The following RNF182 variants were observed in gnomAD, a reference collection of about 807,000 sequenced individuals.
RNF182 encodes E3 ubiquitin-protein ligase RNF182.
RNF182 carries 15 observed loss-of-function variants against 14.4 expected under a neutral mutation model. The ratio of observed to expected loss-of-function variants is 1.04; its 90% CI spans 0.70 to 1.60. RNF182 has a LOEUF of 1.60. Ranked by LOEUF, RNF182 falls within the 40% of genes most tolerant of loss-of-function variation. RNF182 has a pLI of 0.00. For synonymous variants in RNF182, 128 were observed against 122.9 expected (o/e 1.04, Z -0.27); for missense variants, 268 against 294.8 (o/e 0.91, Z 0.67).
chr6:13,946,357 G>A (rs1457799563), intron 1 of RNF182, among the ~76,000 whole-genome samples: 1 of 151,844 alleles, frequency 6.6e-6, no homozygotes, highest in African/African-American at 2.4e-5. Context: ...TAGAAATGGG[G>A]TTTTACCATG....
At chr6:13,965,499 A>G (rs1760001119) in intron 1 of RNF182, among the ~76,000 whole-genome samples, 1 of 152,218 alleles carries the variant, frequency 6.6e-6, no homozygotes, top group Middle Eastern at 3.2e-3. Flanking sequence ...AAAATTTATG[A>G]AAAAAGACAC....
chr6:13,977,763 T>G lies in RNF182; in HGVS notation c.644T>G (p.Phe215Cys). The change falls in exon 3 of 3, where the codon TTT (phenylalanine) becomes TGT (cysteine). Residue 215 changes from phenylalanine (F) to cysteine (C), a missense_variant. Transcript: ENST00000488300. Reference sequence around the variant, plus strand: ...AAGAAAGTCACCCTTGGGGTCGTCTTTGTCAGCCTGGTCCCTTCGAGCCTC... The same window carrying G: ...AAGAAAGTCACCCTTGGGGTCGTCTGTGTCAGCCTGGTCCCTTCGAGCCTC... ...VSKKVTLGVV[F>C]VSLVPSSLVI... 1 of 1,614,166 alleles carries G rather than the reference T, an allele frequency of 6.2e-7. No homozygotes were observed. The highest frequency in any genetic ancestry group is 8.5e-7 in the Non-Finnish European group (1 of 1,180,012).
intron 1 of RNF182, among the ~76,000 whole-genome samples, chr6:13,960,167 G>T (rs1247001263): frequency 6.6e-6 from 1 of 152,164 alleles, no homozygotes; most frequent in African/African-American, 2.4e-5. Flanking sequence ...AGACAGAAAA[G>T]GATCCATTTG....
intron 1 of RNF182, among the ~76,000 whole-genome samples, chr6:13,948,900 T>C (rs1412847768): frequency 3.3e-5 from 5 of 152,194 alleles, no homozygotes; most frequent in African/African-American, 1.2e-4. Flanking sequence ...AAATCTTTTA[T>C]CTTTTAATAT....
intron 1 of RNF182, among the ~76,000 whole-genome samples, chr6:13,928,051 G>A: frequency 6.6e-6 from 1 of 152,200 alleles, no homozygotes; most frequent in East Asian, 1.9e-4. Context: ...GTGGTGTTTA[G>A]TGACATGGAT....
intron 1 of RNF182, among the ~76,000 whole-genome samples, chr6:13,953,990 T>G (rs1308076856): frequency 6.6e-6 from 1 of 152,196 alleles, no homozygotes; most frequent in South Asian, 2.1e-4. Context: ...AGAGAAAGCT[T>G]TGCTAATGAT....
rs1760380453 is a variant in RNF182, at chr6:13,977,850, C to T, written c.731C>T (p.Ala244Val). 1.2e-6 allele frequency: 2 copies of T among 1,611,582 alleles called. No homozygotes were observed. Among genetic ancestry groups the T allele is most frequent in the South Asian group, 1.1e-5 (1 of 90,900 alleles). Residue 244 changes from alanine (A) to valine (V), a missense_variant, in exon 3 of 3, where the codon GCA becomes GTA. By Grantham distance (64) the Ala-to-Val change is moderately conservative. Coordinates refer to ENST00000488300, the MANE Select transcript of RNF182 (RefSeq NM_152737.4). ...TGTCATGAATTTCTAGACTGTATGGCACCTCCTTCTTAACTGATATGCAAA... is the reference window on the plus strand; with the variant it reads ...TGTCATGAATTTCTAGACTGTATGGTACCTCCTTCTTAACTGATATGCAAA... ...CVCHEFLDCM[A>V]PPS
intron 1 of RNF182, among the ~76,000 whole-genome samples, chr6:13,959,790 T>A (rs1759820406): frequency 6.6e-6 from 1 of 152,194 alleles, no homozygotes; most frequent in Non-Finnish European, 1.5e-5. Context: ...GGTTGAAATT[T>A]GTCTTAGACC....
intron 1 of RNF182, among the ~76,000 whole-genome samples, chr6:13,963,573 T>G (rs910134558): frequency 1.3e-5 from 2 of 152,212 alleles, no homozygotes; most frequent in African/African-American, 4.8e-5. Context: ...TGGTCTCTAA[T>G]GGTCTCACAT....
chr6:13,964,804 G>A (rs1465099420), intron 1 of RNF182, among the ~76,000 whole-genome samples: 1 of 152,206 alleles, frequency 6.6e-6, no homozygotes, highest in African/African-American at 2.4e-5. Flanking sequence ...ACCCCATAGT[G>A]TGTGTGTTCC....
chr6:13,957,759 T>C (rs115711277), intron 1 of RNF182, among the ~76,000 whole-genome samples: 2,277 of 152,328 alleles, frequency 0.015, 65 homozygotes, highest in African/African-American at 0.052. Context: ...TGAGATATTG[T>C]AGTGATAACT....
intron 1 of RNF182, among the ~76,000 whole-genome samples, chr6:13,958,211 C>A (rs1486138169): frequency 1.3e-5 from 2 of 152,086 alleles, no homozygotes; most frequent in Non-Finnish European, 1.5e-5. Flanking sequence ...CATGGTGAAA[C>A]CCCGTCTCTA....
intron 1 of RNF182, among the ~76,000 whole-genome samples, chr6:13,937,134 A>G (rs984475474): frequency 6.6e-6 from 1 of 152,250 alleles, no homozygotes; most frequent in Admixed American, 6.5e-5. Context: ...TTGTATAGAC[A>G]TAGGAAGCAT....
Position 13,977,846 on chromosome 6 carries a change from A to G in RNF182, c.727A>G (p.Met243Val). ...TGTTTGTCATGAATTTCTAGACTGTATGGCACCTCCTTCTTAACTGATATG... is the reference window on the plus strand; with the variant it reads ...TGTTTGTCATGAATTTCTAGACTGTGTGGCACCTCCTTCTTAACTGATATG... ...QCVCHEFLDCMAPPS is the reference protein window; with the variant it reads ...QCVCHEFLDCVAPPS Residue 243 changes from methionine (M) to valine (V), a missense_variant, in exon 3 of 3, where the codon ATG (methionine) becomes GTG (valine). Met to Val is a conservative substitution (Grantham distance 21). Transcript: ENST00000488300. The G allele has an allele frequency of 1.2e-6, 2 of 1,612,266 alleles. No homozygotes were observed. Among genetic ancestry groups the G allele is most frequent in the Non-Finnish European group, 1.7e-6 (2 of 1,178,758 alleles).
chr6:13,969,878 A>G (rs942789465), intron 1 of RNF182, among the ~76,000 whole-genome samples: 3 of 152,168 alleles, frequency 2.0e-5, no homozygotes, highest in African/African-American at 7.2e-5. Flanking sequence ...TTTTTCTAGG[A>G]AAAGAAAACT....
rs528219555 is a variant in RNF182, at chr6:13,940,916, T to G, written c.-367+15893T>G. On this transcript the variant is annotated intron_variant, in intron 1 of 2. Coordinates refer to ENST00000488300, the MANE Select transcript of RNF182 (RefSeq NM_152737.4). ...TTGTTGATTTCTAGCTTAATCCAGC[T>G]ATTGTCAAAGAACACGCTATTAACA... Among the ~76,000 whole-genome samples, 6 of 152,292 alleles carry G rather than the reference T, an allele frequency of 3.9e-5. No homozygotes were observed. In the South Asian group the frequency reaches 1.0e-3, roughly 26 times the overall value.
intron 1 of RNF182, among the ~76,000 whole-genome samples, chr6:13,930,764 C>T (rs138476995): frequency 9.3e-4 from 141 of 152,244 alleles, no homozygotes; most frequent in African/African-American, 3.1e-3. Flanking sequence ...GTGCCAGGTA[C>T]GCTATTAAGT....
intron 1 of RNF182, among the ~76,000 whole-genome samples, chr6:13,968,710 T>A (rs941851339): frequency 6.6e-6 from 1 of 152,160 alleles, no homozygotes; most frequent in South Asian, 2.1e-4. Context: ...TAAAAAAGAA[T>A]GCACACACAC....
intron 1 of RNF182, among the ~76,000 whole-genome samples, chr6:13,956,697 G>A (rs937816885): frequency 6.6e-6 from 1 of 152,114 alleles, no homozygotes; most frequent in Non-Finnish European, 1.5e-5. Context: ...CAAAAGTGTC[G>A]TAAGTTTCAC....
Sources: gnomAD v4.1 joint callset for allele counts (sites outside exome capture counted in the v4.1 genomes callset) on GRCh38, gnomAD v4.1.1 for gene constraint, MANE v1.5 for transcripts, NCBI Gene and HGNC (gene_info 2026-07-23, HGNC 2026-07-21) for gene names.